Variants in TYW1 observed in about 807,000 individuals in gnomAD.
TYW1 encodes the protein S-adenosyl-L-methionine-dependent tRNA 4-demethylwyosine synthase TYW1.
TYW1 carries 46 observed loss-of-function variants against 96.2 expected under a neutral mutation model. That is an observed-to-expected ratio of 0.48 (90% CI 0.38 to 0.61). The LOEUF is 0.61. TYW1 is among the 20% of genes least tolerant of loss of function. The pLI is 0.00. For missense variants in TYW1, 684 were observed against 909.6 expected (o/e 0.75, Z 3.19); for synonymous variants, 274 against 323.0 (o/e 0.85, Z 1.63).
chr7:67,150,039 T>C (rs1238724420), intron 13 of TYW1, among the ~76,000 whole-genome samples: 1 of 151,312 alleles, frequency 6.6e-6, no homozygotes. Context: ...TTATGTTCTT[T>C]GAAAATATCT....
chr7:67,077,893 C>T (rs761665718), intron 10 of TYW1, among the ~76,000 whole-genome samples: 15 of 152,078 alleles, frequency 9.9e-5, no homozygotes, highest in Non-Finnish European at 1.9e-4. Flanking sequence ...ACGTTTATGT[C>T]GTTAATCTGT....
At chr7:67,108,443 CT>C (rs11433479) in intron 12 of TYW1, among the ~76,000 whole-genome samples, 5,502 of 134,694 alleles carry the variant, frequency 0.041, 100 homozygotes, top group Middle Eastern at 0.092. Flanking sequence ...CAGATTTTTT[CT>C]TTTTTTTTTT....
chr7:67,225,643 T>A (rs1292137146), intron 15 of TYW1, among the ~76,000 whole-genome samples: 1 of 152,094 alleles, frequency 6.6e-6, no homozygotes, highest in Non-Finnish European at 1.5e-5. Flanking sequence ...CTCACCCTCA[T>A]CAGAGGCCTG....
intron 9 of TYW1, among the ~76,000 whole-genome samples, chr7:67,057,898 C>G (rs528219548): frequency 8.1e-4 from 124 of 152,258 alleles, no homozygotes; most frequent in African/African-American, 2.9e-3. Flanking sequence ...ATACAGTTCA[C>G]TATATCATAT....
intron 14 of TYW1, among the ~76,000 whole-genome samples, chr7:67,188,243 C>T (rs569630142): frequency 6.3e-4 from 96 of 152,252 alleles, no homozygotes; most frequent in Admixed American, 2.2e-3. Context: ...TCACTTGAAT[C>T]CAGGAGGCAG....
intron 7 of TYW1, among the ~76,000 whole-genome samples, chr7:67,025,263 C>T (rs1186895278): frequency 6.6e-6 from 1 of 151,826 alleles, no homozygotes. Flanking sequence ...GGACTGAGGA[C>T]ATTGTAGATT....
intron 11 of TYW1, among the ~76,000 whole-genome samples, chr7:67,091,489 G>A (rs772521013): frequency 4.6e-5 from 7 of 152,090 alleles, no homozygotes; most frequent in Non-Finnish European, 5.9e-5. Context: ...GGTACAGCAC[G>A]CCAACGTGGC....
At chr7:67,039,581 G>A (rs991878093) in intron 7 of TYW1, among the ~76,000 whole-genome samples, 5 of 152,074 alleles carry the variant, frequency 3.3e-5, no homozygotes, top group Non-Finnish European at 7.4e-5. Flanking sequence ...CTTTCCTGAG[G>A]AACATAGAGT....
intron 12 of TYW1, among the ~76,000 whole-genome samples, chr7:67,109,235 C>A (rs1272110046): frequency 7.5e-6 from 1 of 133,080 alleles, no homozygotes; most frequent in Non-Finnish European, 1.5e-5. Context: ...GATAGTGCCA[C>A]TGTACTCCGG....
intron 14 of TYW1, among the ~76,000 whole-genome samples, chr7:67,185,811 A>G (rs1799999840): frequency 6.6e-6 from 1 of 152,056 alleles, no homozygotes. Context: ...AAGTGATGAG[A>G]AAATGTACCC....
chr7:67,147,800 A>AGTG (rs567359376), intron 13 of TYW1, among the ~76,000 whole-genome samples: 5 of 152,154 alleles, frequency 3.3e-5, no homozygotes, highest in African/African-American at 1.2e-4. Flanking sequence ...ATAAGGACAA[A>AGTG]GGGGAGAATA....
chr7:67,170,167 T>C (rs1799473302), intron 13 of TYW1, among the ~76,000 whole-genome samples: 2 of 152,206 alleles, frequency 1.3e-5, no homozygotes, highest in Non-Finnish European at 2.9e-5. Flanking sequence ...GTTGTCTCAG[T>C]ACCATGTGTT....
intron 15 of TYW1, among the ~76,000 whole-genome samples, chr7:67,197,388 C>G (rs1466987133): frequency 6.7e-6 from 1 of 150,362 alleles, no homozygotes; most frequent in African/African-American, 2.5e-5. Flanking sequence ...TGCAGTGATG[C>G]AACCTCGGCT....
At chr7:67,024,138 G>A (rs1794369917) in intron 6 of TYW1, among the ~76,000 whole-genome samples, 1 of 152,006 alleles carries the variant, frequency 6.6e-6, no homozygotes, top group South Asian at 2.1e-4. Context: ...ACTCCATCAT[G>A]CCCTTTCACA....
chr7:67,149,482 A>G (rs1798722273), intron 13 of TYW1, among the ~76,000 whole-genome samples: 1 of 152,236 alleles, frequency 6.6e-6, no homozygotes, highest in Non-Finnish European at 1.5e-5. Context: ...AAATTTTGCC[A>G]TTAGTTCCTT....
intron 12 of TYW1, among the ~76,000 whole-genome samples, chr7:67,115,918 G>A (rs994356967): frequency 3.3e-5 from 5 of 152,174 alleles, no homozygotes; most frequent in African/African-American, 9.7e-5. Context: ...AGAATATTGG[G>A]AGAATTTGAT....
intron 13 of TYW1, among the ~76,000 whole-genome samples, chr7:67,176,083 C>T (rs1423794209): frequency 6.6e-6 from 1 of 152,042 alleles, no homozygotes; most frequent in Non-Finnish European, 1.5e-5. Flanking sequence ...TTACAAAAAT[C>T]AGTTATATTT....
At chr7:67,046,378 G>A (rs1364956207) in intron 7 of TYW1, among the ~76,000 whole-genome samples, 2 of 152,060 alleles carry the variant, frequency 1.3e-5, no homozygotes, top group African/African-American at 2.4e-5. Flanking sequence ...CTGGGGGTTC[G>A]TGGCAACTGA....
intron 13 of TYW1, among the ~76,000 whole-genome samples, chr7:67,145,124 A>G (rs1013541565): frequency 6.9e-6 from 1 of 145,304 alleles, no homozygotes; most frequent in African/African-American, 2.6e-5. Context: ...TATTGTACAT[A>G]TGGGCATTTT....
Sources: gnomAD v4.1 joint callset for allele counts (sites outside exome capture counted in the v4.1 genomes callset) on GRCh38, gnomAD v4.1.1 for gene constraint, MANE v1.5 for transcripts, NCBI Gene and HGNC (gene_info 2026-07-23, HGNC 2026-07-21) for gene names.